Variants in PCDHGB3 observed in about 807,000 individuals in gnomAD.
The protein encoded by PCDHGB3 is protocadherin gamma subfamily B, 3.
In PCDHGB3, 40 loss-of-function variants were observed where a neutral mutation model predicts 59.2. That is an observed-to-expected ratio of 0.68 (90% CI 0.52 to 0.88). The LOEUF is 0.88. Ranked by LOEUF, PCDHGB3 falls within the 40% of genes least tolerant of loss-of-function variation. The pLI, the probability that PCDHGB3 is intolerant of heterozygous loss-of-function variation, is 0.00. For synonymous variants in PCDHGB3, 581 were observed against 503.6 expected (o/e 1.15, Z -2.06); for missense variants, 1,309 against 1,187.9 (o/e 1.10, Z -1.50).
intron 1 of PCDHGB3, chr5:141,413,439 G>A (rs747331348): frequency 1.1e-4 from 179 of 1,613,988 alleles, no homozygotes; most frequent in Non-Finnish European, 1.4e-4. Flanking sequence ...GCGGCAGCTT[G>A]ATCACCGCGG....
chr5:141,397,571 A>G (rs1205930640), intron 1 of PCDHGB3, among the ~76,000 whole-genome samples: 1 of 152,224 alleles, frequency 6.6e-6, no homozygotes, highest in East Asian at 1.9e-4. Flanking sequence ...GAGAGCAAGA[A>G]CTGTATCATA....
chr5:141,409,808 G>A lies in PCDHGB3; in HGVS notation c.2415+36999G>A, dbSNP rs1445467116. On this transcript the variant is annotated intron_variant, in intron 1 of 3. Coordinates refer to ENST00000576222, the MANE Select transcript of PCDHGB3 (RefSeq NM_018924.5). ...CTTCGCGCTCACGCTGCAGGCCCGC[G>A]ACCACGGCTCGCCCACGCTCAGCGC... 4.3e-6 allele frequency: 7 copies of A among 1,611,624 alleles called. No individual in the cohort carries two copies. In the East Asian group the frequency reaches 1.3e-4, roughly 31 times the overall value.
intron 1 of PCDHGB3, chr5:141,426,449 G>A (rs1449929836): frequency 1.6e-5 from 5 of 307,646 alleles, no homozygotes; most frequent in East Asian, 8.0e-5. Flanking sequence ...GAGGACATGC[G>A]GCTGCATGTT....
intron 1 of PCDHGB3, chr5:141,427,617 G>C (rs1295636754): frequency 1.4e-6 from 1 of 694,694 alleles, no homozygotes. Context: ...TGAAGTCAAC[G>C]ACAATGCTCC....
At position 141,485,305 on chromosome 5, in the gene PCDHGB3, T is replaced by C. The variant is rs1344645695; in HGVS notation, c.2416-9502T>C. The C allele has an allele frequency of 3.7e-6, 6 of 1,614,000 alleles. No individual in the cohort carries two copies. In the East Asian group the frequency reaches 1.3e-4, roughly 36 times the overall value. Reference sequence around the variant, plus strand: ...CAGAGGAGTCACAGGAAGGGACTTTTGTAGGGAATGTCGCTCAAGATTTCC... The same window carrying C: ...CAGAGGAGTCACAGGAAGGGACTTTCGTAGGGAATGTCGCTCAAGATTTCC... On this transcript the variant is annotated intron_variant, in intron 1 of 3. Coordinates refer to ENST00000576222, the MANE Select transcript of PCDHGB3 (RefSeq NM_018924.5). This position sits in a 1 kb window ranked among gnomAD's most constrained non-coding sequence, Gnocchi z 5.7.
rs774079222 is a variant in PCDHGB3 at position 141,491,314 on chromosome 5, C to T, written c.2416-3493C>T. On this transcript the variant is annotated intron_variant, in intron 1 of 3. Coordinates refer to ENST00000576222, the MANE Select transcript of PCDHGB3 (RefSeq NM_018924.5). This position sits in a 1 kb window ranked among gnomAD's most constrained non-coding sequence, Gnocchi z 6.9. ...CCCTCCTGAGCGTTCAGACCTTACC[C>T]TTTACCTCATTGTGGCTCTAGCGAC... The T allele has an allele frequency of 1.9e-6, 3 of 1,614,182 alleles. No individual in the cohort carries two copies. In the South Asian group the frequency reaches 3.3e-5, roughly 18 times the overall value.
chr5:141,474,407 G>A (rs1431210575), intron 1 of PCDHGB3, among the ~76,000 whole-genome samples: 2 of 152,230 alleles, frequency 1.3e-5, no homozygotes, highest in East Asian at 1.9e-4. Flanking sequence ...GCTCCCCGGT[G>A]ATGCCTAGAC....
chr5:141,432,120 A>G lies in PCDHGB3; in HGVS notation c.2415+59311A>G, dbSNP rs764363553. 12 of 1,613,978 alleles carry G rather than the reference A, an allele frequency of 7.4e-6. No homozygotes were observed. The highest frequency in any genetic ancestry group is 5.3e-5 in the African/African-American group (4 of 74,894). ...AACGACAACCCGCCGGTCTTCCCTCAGGCCTCCTATTCCGCTTATATCCCA... is the reference window on the plus strand; with the variant it reads ...AACGACAACCCGCCGGTCTTCCCTCGGGCCTCCTATTCCGCTTATATCCCA... On this transcript the variant is annotated intron_variant, in intron 1 of 3. Transcript: ENST00000576222. The surrounding 1 kb of genome is among the most constrained non-coding windows in gnomAD (Gnocchi z 6.0).
At chr5:141,503,474 T>C (rs2099820145) in intron 2 of PCDHGB3, among the ~76,000 whole-genome samples, 1 of 151,828 alleles carries the variant, frequency 6.6e-6, no homozygotes, top group South Asian at 2.1e-4. Context: ...ATGTGTGCAC[T>C]TGTCGTCCCA....
intron 1 of PCDHGB3, chr5:141,390,004 T>C (rs749173529): frequency 1.9e-6 from 3 of 1,614,044 alleles, no homozygotes; most frequent in Admixed American, 1.7e-5. Flanking sequence ...GCCATGATTC[T>C]GGCCATTGCC....
rs1036779864 is a variant in PCDHGB3 at position 141,379,823 on chromosome 5, T to C, written c.2415+7014T>C. 3.3e-5 allele frequency among the ~76,000 whole-genome samples: 5 copies of C among 150,450 alleles called. No homozygotes were observed. In the East Asian group the frequency reaches 9.7e-4, roughly 29 times the overall value. On this transcript the variant is annotated intron_variant, in intron 1 of 3. Transcript: ENST00000576222. ...GTTTTGAGAGTTCAGTATAGAATTT[T>C]GAAGCATCAGGAAAAAAAACTACCA... is the stretch of plus-strand genomic sequence containing the variant.
At chr5:141,442,358 A>C (rs2098318223) in intron 1 of PCDHGB3, 1 of 152,304 alleles carries the variant, frequency 6.6e-6, no homozygotes, top group African/African-American at 2.4e-5. Context: ...CTGTAGCTCT[A>C]TGATGCCATA....
chr5:141,465,782 T>G (rs2099109563), intron 1 of PCDHGB3, among the ~76,000 whole-genome samples: 1 of 152,076 alleles, frequency 6.6e-6, no homozygotes, highest in African/African-American at 2.4e-5. Flanking sequence ...TGTTACAGTT[T>G]TTTTTTTTTT....
At chr5:141,440,551 T>C (rs1220901075) in intron 1 of PCDHGB3, 2 of 152,350 alleles carry the variant, frequency 1.3e-5, no homozygotes, top group East Asian at 1.9e-4. Context: ...GCAGGAATGT[T>C]ATTAAGTTAC....
chr5:141,389,449 A>T lies in PCDHGB3; in HGVS notation c.2415+16640A>T, dbSNP rs771507101. The stretch of plus-strand genomic sequence containing the variant: ...GCGCAGCGCGCCTTCGACCACGAGC[A>T]GCTGCGCGCCTTCGAACTCACACTG... On this transcript the variant is annotated intron_variant, in intron 1 of 3. Coordinates refer to ENST00000576222, the MANE Select transcript of PCDHGB3 (RefSeq NM_018924.5). 17 of 1,610,420 alleles carry T rather than the reference A, an allele frequency of 1.1e-5. No individual in the cohort carries two copies. In the African/African-American group the frequency reaches 2.3e-4, roughly 22 times the overall value.
At chr5:141,390,538 C>T (rs1371210436) in intron 1 of PCDHGB3, 1 of 518,192 alleles carries the variant, frequency 1.9e-6, no homozygotes, top group Non-Finnish European at 3.4e-6. Context: ...GTTTTAACCA[C>T]AAAGTGAAAG....
chr5:141,381,971 A>C (rs1777809819), intron 1 of PCDHGB3, among the ~76,000 whole-genome samples: 1 of 150,888 alleles, frequency 6.6e-6, no homozygotes, highest in African/African-American at 2.4e-5. Flanking sequence ...CTGGGATTAC[A>C]GGCGCGCGCC....
At chr5:141,433,358 C>CCTATCTATCTAT (rs3074541) in intron 1 of PCDHGB3, 6,701 of 503,954 alleles carry the variant, frequency 0.013, 75 homozygotes, top group East Asian at 0.016. Context: ...CTACTGTCTG[C>CCTATCTATCTAT]CTATCTATCT....
rs756966401 is a variant in PCDHGB3, at chr5:141,393,451, C to T, written c.2415+20642C>T. The T allele has an allele frequency of 5.0e-6, 8 of 1,614,058 alleles. No homozygotes were observed. In the South Asian group the frequency reaches 6.6e-5, roughly 13 times the overall value. On this transcript the variant is annotated intron_variant, in intron 1 of 3. Transcript: ENST00000576222. The stretch of plus-strand genomic sequence containing the variant: ...GAGGCTGCTCACCACCTGGTCCTCA[C>T]GGCCTCGGATGGCGGCAAGCCGCCT...
Sources: allele counts gnomAD v4.1 joint callset (sites outside exome capture counted in the v4.1 genomes callset), GRCh38; gene constraint gnomAD v4.1.1; non-coding constraint Gnocchi (gnomAD v3.1); transcripts MANE v1.5; gene names NCBI Gene and HGNC (gene_info 2026-07-23, HGNC 2026-07-21).